The following IQCE variants were observed in gnomAD, a reference collection of about 807,000 sequenced individuals.
IQCE encodes the protein IQ domain-containing protein E.
IQCE carries 115 observed loss-of-function variants against 96.0 expected under a neutral mutation model. The ratio of observed to expected loss-of-function variants is 1.20; its 90% CI spans 1.03 to 1.40. The LOEUF is 1.40. IQCE is among the 40% of genes most tolerant of loss of function. The probability of loss-of-function intolerance (pLI) is 0.00; values close to 1 mark genes in which losing one functional copy is unlikely to be tolerated. For synonymous variants in IQCE, 412 were observed against 371.2 expected, an observed-to-expected ratio of 1.11 and a Z score of -1.26; for missense variants, 1,041 against 909.1, an observed-to-expected ratio of 1.15 and a Z score of -1.87.
chr7:2,587,912 A>T (rs1783250462), intron 13 of IQCE, 35 bp downstream of exon 13: 1 of 1,594,504 alleles, frequency 6.3e-7, no homozygotes, highest in Non-Finnish European at 8.6e-7. Flanking sequence ...GTCGTTGGGG[A>T]CCAGGGGCCT....
At chr7:2,595,562 C>T (rs1783962549) in intron 16 of IQCE, among the ~76,000 whole-genome samples, 1 of 152,148 alleles carries the variant, frequency 6.6e-6, no homozygotes, top group Non-Finnish European at 1.5e-5. Flanking sequence ...GTGGACGCTA[C>T]CCGGGGGCAG....
rs2128455151 is a variant in IQCE, at chr7:2,586,778, A to G, written c.988+407A>G. ...CTGAGCGGGACCTGGAAGGGGCGAG[A>G]TAGCCATGAAGACGGCAGCAGGCGT... is the stretch of plus-strand genomic sequence containing the variant. On this transcript the variant is annotated intron_variant, in intron 12 of 21. Transcript: ENST00000402050. Among the ~76,000 whole-genome samples the G allele has an allele frequency of 1.3e-5, 2 of 152,282 alleles. 1 individual carries two copies. Among genetic ancestry groups the G allele is most frequent in the South Asian group, 4.1e-4 (2 of 4,820 alleles).
chr7:2,572,568 C>T (rs1208833328), intron 5 of IQCE: 2 of 624,164 alleles, frequency 3.2e-6, no homozygotes, highest in Admixed American at 2.4e-5. Context: ...GTCATCTGTA[C>T]CTCCCTCCCT....
At chr7:2,592,332 A>G (rs1783665156) in intron 14 of IQCE, among the ~76,000 whole-genome samples, 1 of 152,220 alleles carries the variant, frequency 6.6e-6, no homozygotes, top group African/African-American at 2.4e-5. Context: ...TAGGTAAAAA[A>G]CATTAAGGTA....
rs376169922 is a variant in IQCE, at chr7:2,595,005, G to A, written c.1440+29G>A. 4.2e-5 allele frequency: 61 copies of A among 1,465,140 alleles called. No homozygotes were observed. In the African/African-American group the frequency reaches 5.6e-4, roughly 13 times the overall value. 90.8% of individuals were successfully genotyped at this position (1,465,140 alleles called of 1,614,324 possible). On this transcript the variant is annotated intron_variant, in intron 16 of 21. Transcript: ENST00000402050. Reference sequence around the variant, plus strand: ...CAGTGACCATTCAGTTGAGTCTCCCGTCAGGTGCGGTGAGACTTTGGTCGT... The same window carrying A: ...CAGTGACCATTCAGTTGAGTCTCCCATCAGGTGCGGTGAGACTTTGGTCGT...
Position 2,610,239 on chromosome 7 carries a change from C to G in IQCE, c.*77C>G. The G allele has an allele frequency of 1.1e-6, 1 of 882,582 alleles. No homozygotes were observed. Among genetic ancestry groups the G allele is most frequent in the Non-Finnish European group, 1.9e-6 (1 of 517,902 alleles). The allele number at this position is 882,582 out of a possible 1,614,324, so 54.7% of individuals were successfully genotyped here. A position where few individuals can be genotyped will look rare whatever the true frequency, so the allele number is the denominator to read the frequency against. On this transcript the variant is annotated 3_prime_UTR_variant, in exon 22 of 22. Coordinates refer to ENST00000402050, the MANE Select transcript of IQCE (RefSeq NM_152558.5). ...AACCACGACTGGAAAGATAATTTAT[C>G]GTGTTAGGAGAAGAACGATGATACC...
intron 13 of IQCE, among the ~76,000 whole-genome samples, chr7:2,589,284 C>G (rs1783387086): frequency 6.6e-6 from 1 of 152,052 alleles, no homozygotes; most frequent in Non-Finnish European, 1.5e-5. Flanking sequence ...AGGAGGAACG[C>G]TTGAGCCCAG....
chr7:2,608,541 A>T (rs1784977209), intron 21 of IQCE, among the ~76,000 whole-genome samples: 2 of 152,242 alleles, frequency 1.3e-5, no homozygotes, highest in South Asian at 4.1e-4. Flanking sequence ...AAAGATGAGC[A>T]GCCTGGGGTT....
rs114677401 is a variant in IQCE, at chr7:2,593,714, G to C, written c.1349+588G>C. ...CCCACGTGACAAGTGCTGCTGCTAG[G>C]GGCTGGGAGGGGAGCGAGGACTGCT... On this transcript the variant is annotated intron_variant, in intron 15 of 21. Transcript: ENST00000402050. 2.4e-3 allele frequency among the ~76,000 whole-genome samples: 361 copies of C among 152,374 alleles called. 1 individual carries two copies. The highest frequency in any genetic ancestry group is 8.2e-3 in the African/African-American group (340 of 41,596).
chr7:2,606,806 G>C (rs1030418738), intron 20 of IQCE, among the ~76,000 whole-genome samples: 2 of 152,204 alleles, frequency 1.3e-5, no homozygotes, highest in Non-Finnish European at 2.9e-5. Flanking sequence ...TGTCCCCGGG[G>C]AATGGCAGCT....
intron 18 of IQCE, 92 bp downstream of exon 18, chr7:2,601,556 TC>T (rs1215309987): frequency 1.0e-6 from 1 of 966,272 alleles, no homozygotes; most frequent in Admixed American, 1.8e-5. Flanking sequence ...TGATTCCTTT[TC>T]TTTTTTTTTC....
intron 3 of IQCE, chr7:2,571,255 G>A: frequency 2.7e-6 from 1 of 364,098 alleles, no homozygotes; most frequent in Non-Finnish European, 5.1e-6. Flanking sequence ...CTGGCCTCAA[G>A]CGATTCTCCT....
chr7:2,595,584 G>A (rs939708497), intron 16 of IQCE, among the ~76,000 whole-genome samples: 6 of 152,168 alleles, frequency 3.9e-5, no homozygotes, highest in Admixed American at 6.5e-5. Context: ...TAGTCGCGGC[G>A]GCGTCTCTGT....
rs1038917295 is a variant in IQCE, at chr7:2,611,076, C to A, written c.*914C>A. Reference sequence around the variant, plus strand: ...TGGTGTCTGGGACAGTCCCCGTCACCCCATGTGTGCGGCCTCTGCACTCCC... The same window carrying A: ...TGGTGTCTGGGACAGTCCCCGTCACACCATGTGTGCGGCCTCTGCACTCCC... On this transcript the variant is annotated 3_prime_UTR_variant, in exon 22 of 22. Coordinates refer to ENST00000402050, the MANE Select transcript of IQCE (RefSeq NM_152558.5). 6.9e-6 allele frequency: 1 copy of A among 145,308 alleles called. No homozygotes were observed. Among genetic ancestry groups the A allele is most frequent in the Non-Finnish European group, 1.5e-5 (1 of 66,936 alleles). 9.0% of individuals were successfully genotyped at this position (145,308 alleles called of 1,614,324 possible). A position where few individuals can be genotyped will look rare whatever the true frequency, so the allele number is the denominator to read the frequency against.
chr7:2,577,572 T>C (rs1405121860), intron 6 of IQCE, among the ~76,000 whole-genome samples: 13 of 119,350 alleles, frequency 1.1e-4, no homozygotes, highest in Admixed American at 2.6e-4. Flanking sequence ...CGGGGACGTG[T>C]GTGCGGCGTG....
At chr7:2,595,152 G>C (rs1783925083) in intron 16 of IQCE, among the ~76,000 whole-genome samples, 176 bp downstream of exon 16, 1 of 152,172 alleles carries the variant, frequency 6.6e-6, no homozygotes, top group Non-Finnish European at 1.5e-5. Flanking sequence ...TCCGGGTTTT[G>C]GATTAATTGA....
chr7:2,568,074 T>C (rs1044854447), intron 2 of IQCE, among the ~76,000 whole-genome samples: 11 of 152,168 alleles, frequency 7.2e-5, no homozygotes, highest in Admixed American at 2.0e-4. Context: ...GTTGGAAGCA[T>C]GGCAGCATCT....
chr7:2,575,760 T>C (rs1782076779), intron 6 of IQCE, among the ~76,000 whole-genome samples: 1 of 152,156 alleles, frequency 6.6e-6, no homozygotes, highest in South Asian at 2.1e-4. Context: ...CCCATTGGCT[T>C]TTTTAGGCAG....
chr7:2,597,262 T>C, intron 16 of IQCE: 1 of 394,910 alleles, frequency 2.5e-6, no homozygotes, highest in South Asian at 1.9e-5. Flanking sequence ...AAACACTGCC[T>C]TCTGGAGTGT....
Sources: allele counts gnomAD v4.1 joint callset (sites outside exome capture counted in the v4.1 genomes callset), GRCh38; gene constraint gnomAD v4.1.1; transcripts MANE v1.5; gene names NCBI Gene and HGNC (gene_info 2026-07-23, HGNC 2026-07-21).